CNTN5: variants seen among roughly 807,000 people sequenced by gnomAD.
The protein encoded by CNTN5 is contactin-5.
Under a neutral mutation model 129.1 loss-of-function variants are expected in CNTN5, and 77 were observed. The ratio of observed to expected loss-of-function variants is 0.60; its 90% CI spans 0.50 to 0.72. CNTN5 has a LOEUF of 0.72. CNTN5 is among the 30% of genes least tolerant of loss of function. The pLI is 0.00. For synonymous variants in CNTN5, 509 were observed against 465.6 expected, an observed-to-expected ratio of 1.09 and a Z score of -1.20; for missense variants, 1,478 against 1,328.8, an observed-to-expected ratio of 1.11 and a Z score of -1.75.
intron 3 of CNTN5, among the ~76,000 whole-genome samples, chr11:99,798,970 G>T (rs950051126): frequency 6.6e-6 from 1 of 152,052 alleles, no homozygotes; most frequent in Non-Finnish European, 1.5e-5. Context: ...TCTTTGTAGA[G>T]ATCTTTTATC....
chr11:100,100,716 A>T (rs1344386905), intron 13 of CNTN5, among the ~76,000 whole-genome samples: 5 of 152,108 alleles, frequency 3.3e-5, no homozygotes, highest in Admixed American at 6.6e-5. Flanking sequence ...CTTGGCTCGT[A>T]TTACCTGTGT....
At chr11:99,738,615 A>AAGTGTGTGTGTGTG (rs201365714) in intron 3 of CNTN5, among the ~76,000 whole-genome samples, 74 of 113,648 alleles carry the variant, frequency 6.5e-4, no homozygotes, top group African/African-American at 2.4e-3. Flanking sequence ...TAAGACAGTA[A>AAGTGTGTGTGTGTG]CGTGTGTGTG....
chr11:99,917,582 T>G (rs1373682453), intron 7 of CNTN5, among the ~76,000 whole-genome samples: 4 of 152,102 alleles, frequency 2.6e-5, no homozygotes, highest in Non-Finnish European at 5.9e-5. Context: ...GGATGACTGA[T>G]CCATCACTAG....
intron 3 of CNTN5, among the ~76,000 whole-genome samples, chr11:99,567,021 T>C (rs1474375871): frequency 6.6e-6 from 1 of 152,210 alleles, no homozygotes; most frequent in East Asian, 1.9e-4. Context: ...CTTGACTAAA[T>C]TTATAAATCT....
rs141741306 is a variant in CNTN5, at chr11:99,617,237, G to A, written c.55+60968G>A. On this transcript the variant is annotated intron_variant, in intron 3 of 24. Transcript: ENST00000524871. Reference sequence around the variant, plus strand: ...GTCTAATTTCCAACCTGAGAACCACGTAGCATGATCAGTTCAGATCTGCAT... The same window carrying A: ...GTCTAATTTCCAACCTGAGAACCACATAGCATGATCAGTTCAGATCTGCAT... Among the ~76,000 whole-genome samples, 323 of 152,306 alleles carry A rather than the reference G, an allele frequency of 2.1e-3. 2 individuals carry two copies. Among genetic ancestry groups the A allele is most frequent in the Non-Finnish European group, 3.0e-3 (201 of 68,038 alleles).
intron 7 of CNTN5, among the ~76,000 whole-genome samples, chr11:99,932,725 C>T (rs1950221346): frequency 6.6e-6 from 1 of 152,108 alleles, no homozygotes; most frequent in Non-Finnish European, 1.5e-5. Context: ...GTGCCTGCTT[C>T]TTGGTAAATA....
At position 100,089,321 on chromosome 11, in the gene CNTN5, G is replaced by A. The variant is rs12417945; in HGVS notation, c.1580+15027G>A. ...ATATGCAAAAAAGCTCAACATCACC[G>A]ATCATTATAGAAAGGCAAATTAAAA... On this transcript the variant is annotated intron_variant, in intron 13 of 24. Coordinates refer to ENST00000524871, the MANE Select transcript of CNTN5 (RefSeq NM_014361.4). Among the ~76,000 whole-genome samples, 285 of 152,118 alleles carry A rather than the reference G, an allele frequency of 1.9e-3. 5 individuals carry two copies. Among genetic ancestry groups the A allele is most frequent in the Admixed American group, 0.015 (236 of 15,268 alleles).
chr11:99,450,331 A>G (rs1409946400), intron 2 of CNTN5, among the ~76,000 whole-genome samples: 1 of 151,506 alleles, frequency 6.6e-6, no homozygotes, highest in Admixed American at 6.6e-5. Flanking sequence ...GTGTATGTAC[A>G]TATGTGTGTA....
intron 13 of CNTN5, among the ~76,000 whole-genome samples, chr11:100,140,699 A>T (rs996247252): frequency 6.6e-6 from 1 of 152,200 alleles, no homozygotes; most frequent in Admixed American, 6.6e-5. Context: ...TAGAATAATT[A>T]TCTGGGATAT....
At chr11:99,962,168 T>A (rs913854146) in intron 8 of CNTN5, among the ~76,000 whole-genome samples, 2 of 152,048 alleles carry the variant, frequency 1.3e-5, no homozygotes, top group Non-Finnish European at 1.5e-5. Flanking sequence ...AAAAACTGTT[T>A]TTATTATACC....
intron 13 of CNTN5, among the ~76,000 whole-genome samples, chr11:100,127,095 ATTTTT>A (rs5794039): frequency 9.3e-5 from 8 of 85,610 alleles, no homozygotes; most frequent in Non-Finnish European, 1.8e-4. Flanking sequence ...TGCGCAGCTA[ATTTTT>A]TTTTTTTTTT....
intron 1 of CNTN5, among the ~76,000 whole-genome samples, chr11:99,047,118 G>A (rs910183101): frequency 6.6e-6 from 1 of 151,686 alleles, no homozygotes; most frequent in Non-Finnish European, 1.5e-5. Flanking sequence ...TTTAAACATG[G>A]CAATGATTAT....
At chr11:99,025,373 T>C (rs1863066424) in intron 1 of CNTN5, among the ~76,000 whole-genome samples, 1 of 151,886 alleles carries the variant, frequency 6.6e-6, no homozygotes, top group African/African-American at 2.4e-5. Flanking sequence ...AAAATTCTCT[T>C]TCATAACCAT....
intron 1 of CNTN5, among the ~76,000 whole-genome samples, chr11:99,043,462 C>G (rs935983668): frequency 1.3e-5 from 2 of 152,032 alleles, no homozygotes; most frequent in African/African-American, 4.8e-5. Flanking sequence ...AGAACTTGCA[C>G]AATCAAAGAT....
intron 3 of CNTN5, among the ~76,000 whole-genome samples, chr11:99,648,600 G>C (rs1357200784): frequency 6.6e-6 from 1 of 151,672 alleles, no homozygotes. Context: ...ATGTCAAAGA[G>C]ATATTCTCAC....
At chr11:99,425,507 C>G (rs1302876052) in intron 2 of CNTN5, among the ~76,000 whole-genome samples, 1 of 152,220 alleles carries the variant, frequency 6.6e-6, no homozygotes, top group African/African-American at 2.4e-5. Flanking sequence ...TGTAGAGGGA[C>G]AAGGTGGTGG....
At chr11:99,658,904 A>AT (rs35300560) in intron 3 of CNTN5, among the ~76,000 whole-genome samples, 2 of 147,374 alleles carry the variant, frequency 1.4e-5, no homozygotes, top group Non-Finnish European at 3.0e-5. Flanking sequence ...AAAAAAAAAA[A>AT]AGAAAAAGAA....
chr11:99,469,744 A>AT (rs201558442), intron 2 of CNTN5, among the ~76,000 whole-genome samples: 1,838 of 151,426 alleles, frequency 0.012, 37 homozygotes, highest in African/African-American at 0.042. Flanking sequence ...AAATTTTTAA[A>AT]TTTTTTTTTG....
chr11:99,889,328 G>C (rs922832019), intron 6 of CNTN5, among the ~76,000 whole-genome samples: 1 of 32,760 alleles, frequency 3.1e-5, no homozygotes, highest in Non-Finnish European at 6.2e-5. Flanking sequence ...GTGTGTGTGT[G>C]TGTGTGTGTG....
Sources: gnomAD v4.1 joint callset for allele counts (sites outside exome capture counted in the v4.1 genomes callset) on GRCh38, gnomAD v4.1.1 for gene constraint, MANE v1.5 for transcripts, NCBI Gene and HGNC (gene_info 2026-07-23, HGNC 2026-07-21) for gene names.